COL26A1: variants seen among roughly 807,000 people sequenced by gnomAD.
COL26A1 encodes the protein collagen type XXVI alpha 1 chain, also known as collagen alpha-1(XXVI) chain.
Under a neutral mutation model 59.3 loss-of-function variants are expected in COL26A1, and 41 were observed. That is an observed-to-expected ratio of 0.69 (90% CI 0.54 to 0.90). COL26A1 has a LOEUF of 0.90. Ranked by LOEUF, COL26A1 falls within the 40% of genes least tolerant of loss-of-function variation. The probability of loss-of-function intolerance (pLI) is 0.00; values close to 1 mark genes in which losing one functional copy is unlikely to be tolerated. For missense variants in COL26A1, 612 were observed against 602.3 expected, an observed-to-expected ratio of 1.02 and a Z score of -0.17; for synonymous variants, 266 against 256.0, an observed-to-expected ratio of 1.04 and a Z score of -0.37.
intron 3 of COL26A1, among the ~76,000 whole-genome samples, chr7:101,504,303 T>C (rs957109821): frequency 6.6e-6 from 1 of 151,954 alleles, no homozygotes; most frequent in Non-Finnish European, 1.5e-5. Flanking sequence ...GTTTCACCAT[T>C]TTGGCCAGGC....
At chr7:101,447,834 G>C (rs939527318) in intron 3 of COL26A1, 47 bp downstream of exon 3, 1 of 1,237,176 alleles carries the variant, frequency 8.1e-7, no homozygotes, top group Non-Finnish European at 1.2e-6. Flanking sequence ...CGTGGGCCAG[G>C]CTGGAGTTTC....
At chr7:101,550,716 G>C (rs933473078) in intron 9 of COL26A1, among the ~76,000 whole-genome samples, 1 of 152,108 alleles carries the variant, frequency 6.6e-6, no homozygotes, top group Non-Finnish European at 1.5e-5. Context: ...GATGTCAGGG[G>C]ACAGCTGGAC....
chr7:101,499,747 C>T (rs116454278), intron 3 of COL26A1, among the ~76,000 whole-genome samples: 6,621 of 151,844 alleles, frequency 0.044, 503 homozygotes, highest in African/African-American at 0.15. Flanking sequence ...CATGGTTGCA[C>T]ATACCTGTGG....
intron 1 of COL26A1, among the ~76,000 whole-genome samples, chr7:101,409,792 G>A (rs1193434676): frequency 5.3e-5 from 8 of 152,198 alleles, no homozygotes; most frequent in East Asian, 1.9e-4. Flanking sequence ...ACGGAGTCTC[G>A]CTCTGTTGCC....
At chr7:101,511,854 A>G (rs1371320860) in intron 3 of COL26A1, among the ~76,000 whole-genome samples, 1 of 152,154 alleles carries the variant, frequency 6.6e-6, no homozygotes, top group Non-Finnish European at 1.5e-5. Context: ...TTAGCTGGGC[A>G]TGGTGGTGCA....
chr7:101,526,984 C>A (rs1033408580), intron 3 of COL26A1, among the ~76,000 whole-genome samples: 1 of 152,098 alleles, frequency 6.6e-6, no homozygotes, highest in Non-Finnish European at 1.5e-5. Context: ...TTTGAGACAG[C>A]GTCTCAAAAG....
intron 1 of COL26A1, among the ~76,000 whole-genome samples, chr7:101,373,395 T>G (rs1399731038): frequency 2.6e-5 from 4 of 152,238 alleles, no homozygotes; most frequent in African/African-American, 9.6e-5. Context: ...AAAGCAGAGT[T>G]CAAACATCTT....
chr7:101,398,908 G>A (rs1791926267), intron 1 of COL26A1, among the ~76,000 whole-genome samples: 1 of 152,134 alleles, frequency 6.6e-6, no homozygotes, highest in Non-Finnish European at 1.5e-5. Context: ...GAAGGTGGGA[G>A]TGGTGCGGGA....
In COL26A1 at chr7:101,418,994, T is replaced by TTCTC. The variant is rs148238686; in HGVS notation, c.159-967_159-964dup. Reference sequence around the variant, plus strand: ...TTCAGCCTTCTGGCTCTTTCTTTCTTTCTCTCTCTCTCTCTCTCTGGCTCT... The same window carrying TTCTC: ...TTCAGCCTTCTGGCTCTTTCTTTCTTTCTCTCTCTCTCTCTCTCTCTCTGGCTCT... On this transcript the variant is annotated intron_variant, in intron 1 of 12. Transcript: ENST00000313669. Among the ~76,000 whole-genome samples the TTCTC allele has an allele frequency of 4.7e-4, 70 of 147,516 alleles. No homozygotes were observed. The East Asian group carries it at 0.011, about 23-fold the overall frequency.
chr7:101,552,025 C>T (rs1002872102), intron 10 of COL26A1, among the ~76,000 whole-genome samples: 2 of 152,320 alleles, frequency 1.3e-5, no homozygotes, highest in Middle Eastern at 3.4e-3. Flanking sequence ...CAAAGCCACA[C>T]AGCGAGGCAG....
intron 3 of COL26A1, among the ~76,000 whole-genome samples, chr7:101,529,658 T>A (rs1316480225): frequency 6.6e-6 from 1 of 152,198 alleles, no homozygotes; most frequent in Non-Finnish European, 1.5e-5. Context: ...CTCCTACTTA[T>A]AGGTGAGAAC....
intron 11 of COL26A1, among the ~76,000 whole-genome samples, chr7:101,555,073 G>A (rs1205797844): frequency 1.4e-5 from 2 of 143,136 alleles, no homozygotes; most frequent in Non-Finnish European, 2.9e-5. Context: ...CCAGGGCTGG[G>A]CAGGATGGGG....
chr7:101,434,187 T>C (rs991254769), intron 2 of COL26A1, among the ~76,000 whole-genome samples: 3,745 of 34,948 alleles, frequency 0.11, 23 homozygotes, highest in Non-Finnish European at 0.13. Flanking sequence ...TCCTTCCTTC[T>C]CTCTCTCTCT....
intron 2 of COL26A1, among the ~76,000 whole-genome samples, chr7:101,433,675 A>G (rs1255707130): frequency 1.3e-5 from 2 of 152,078 alleles, no homozygotes; most frequent in African/African-American, 4.8e-5. Flanking sequence ...AGGCGGGGAA[A>G]GGACAGCTGC....
chr7:101,525,780 G>A (rs376160384), intron 3 of COL26A1, among the ~76,000 whole-genome samples: 12 of 152,190 alleles, frequency 7.9e-5, no homozygotes, highest in Non-Finnish European at 1.2e-4. Flanking sequence ...ACAGGTGTGA[G>A]CCACTGCACC....
At chr7:101,397,597 T>TG (rs1164716707) in intron 1 of COL26A1, among the ~76,000 whole-genome samples, 1 of 140,732 alleles carries the variant, frequency 7.1e-6, no homozygotes, top group Non-Finnish European at 1.5e-5. Flanking sequence ...TGTGCAATGG[T>TG]GGGGTCATAG....
At chr7:101,448,355 G>A (rs1213646929) in intron 3 of COL26A1, among the ~76,000 whole-genome samples, 1 of 152,222 alleles carries the variant, frequency 6.6e-6, no homozygotes, top group African/African-American at 2.4e-5. Flanking sequence ...GGCCAGCAGT[G>A]GCAGACAGAG....
intron 3 of COL26A1, among the ~76,000 whole-genome samples, chr7:101,449,570 A>G (rs1489841319): frequency 1.3e-5 from 2 of 152,132 alleles, no homozygotes. Flanking sequence ...GGAGTTTGAG[A>G]CCAGCCTGGG....
At chr7:101,450,486 G>A (rs1202314787) in intron 3 of COL26A1, among the ~76,000 whole-genome samples, 4 of 152,152 alleles carry the variant, frequency 2.6e-5, no homozygotes, top group Admixed American at 6.6e-5. Context: ...CATAGACTGT[G>A]TGGCATGGTC....
Sources: allele counts gnomAD v4.1 joint callset (sites outside exome capture counted in the v4.1 genomes callset), GRCh38; gene constraint gnomAD v4.1.1; transcripts MANE v1.5; gene names NCBI Gene and HGNC (gene_info 2026-07-23, HGNC 2026-07-21).